PCDH15: variants seen among roughly 807,000 people sequenced by gnomAD.
The protein encoded by PCDH15 is protocadherin related 15.
A neutral mutation model predicts 178.5 loss-of-function variants in PCDH15; 129 were observed. That is an observed-to-expected ratio of 0.72 (90% CI 0.63 to 0.84). The LOEUF (loss-of-function observed/expected upper bound fraction) is 0.84. Ranked by LOEUF, PCDH15 falls within the 40% of genes least tolerant of loss-of-function variation. PCDH15 has a pLI of 0.00. For missense variants in PCDH15, 2,230 were observed against 2,099.9 expected, an observed-to-expected ratio of 1.06 and a Z score of -1.21; for synonymous variants, 800 against 732.0, an observed-to-expected ratio of 1.09 and a Z score of -1.50.
intron 3 of PCDH15, among the ~76,000 whole-genome samples, chr10:54,496,040 A>T (rs948286939): frequency 1.3e-5 from 2 of 152,158 alleles, no homozygotes; most frequent in Non-Finnish European, 2.9e-5. Context: ...ATTGTTTCTC[A>T]CAGGGGAAAT....
At chr10:55,417,628 G>GA (rs1281846302) in intron 2 of PCDH15, among the ~76,000 whole-genome samples, 4 of 151,512 alleles carry the variant, frequency 2.6e-5, no homozygotes, top group African/African-American at 9.7e-5. Context: ...CATAAAGCTA[G>GA]GATTCTTTAG....
At position 55,131,811 on chromosome 10, in the gene PCDH15, G is replaced by T. The variant is rs182904065; in HGVS notation, c.-80+34765C>A. On this transcript the variant is annotated intron_variant, in intron 2 of 5. Coordinates refer to the PCDH15 transcript ENST00000458638. The stretch of plus-strand genomic sequence containing the variant: ...AAAGGGGAGAAAGTACATGCTGATT[G>T]GTCTATAGGCAGCCATGGTTGGGCC... Among the ~76,000 whole-genome samples the T allele has an allele frequency of 1.8e-4, 28 of 152,186 alleles. No homozygotes were observed. In the East Asian group the frequency reaches 4.5e-3, roughly 24 times the overall value.
At chr10:55,466,996 T>A (rs1839844373) in intron 2 of PCDH15, among the ~76,000 whole-genome samples, 1 of 152,226 alleles carries the variant, frequency 6.6e-6, no homozygotes, top group South Asian at 2.1e-4. Flanking sequence ...GGCTGCTCTA[T>A]CTACTGGCTC....
At position 54,637,055 on chromosome 10, in the gene PCDH15, A is replaced by G. The variant is rs11004421; in HGVS notation, c.91+27117T>C. On this transcript the variant is annotated intron_variant, in intron 2 of 37. Transcript: ENST00000644397. The stretch of plus-strand genomic sequence containing the variant: ...TTCCTTTTTTGAGCTAAAATTTTCT[A>G]CTCTGTATCACTATATCTATTCCTC... Among the ~76,000 whole-genome samples, 142 of 150,046 alleles carry G rather than the reference A, an allele frequency of 9.5e-4. 1 individual carries two copies. In the East Asian group the frequency reaches 0.026, roughly 27 times the overall value.
At chr10:54,493,284 G>A (rs750820500) in intron 3 of PCDH15, among the ~76,000 whole-genome samples, 14 of 151,558 alleles carry the variant, frequency 9.2e-5, no homozygotes, top group Non-Finnish European at 8.8e-5. Flanking sequence ...GATAAGAGGG[G>A]ACTAATGTAT....
intron 1 of PCDH15, among the ~76,000 whole-genome samples, chr10:55,250,360 T>G (rs940064284): frequency 6.6e-6 from 1 of 151,714 alleles, no homozygotes; most frequent in Admixed American, 6.6e-5. Flanking sequence ...TTGCCCTGGC[T>G]GGTCCCAAAC....
intron 8 of PCDH15, among the ~76,000 whole-genome samples, chr10:54,302,326 T>C (rs1010057654): frequency 6.6e-5 from 10 of 152,186 alleles, no homozygotes; most frequent in Non-Finnish European, 1.3e-4. Flanking sequence ...GTAAAACTTG[T>C]GTGAGACACA....
intron 2 of PCDH15, among the ~76,000 whole-genome samples, chr10:55,472,631 C>T (rs553186369): frequency 6.8e-4 from 104 of 152,264 alleles, no homozygotes; most frequent in Non-Finnish European, 1.3e-3. Context: ...TGCAGTGGCG[C>T]GGTCTGCGCT....
intron 2 of PCDH15, among the ~76,000 whole-genome samples, chr10:55,365,560 C>T (rs1356359193): frequency 1.3e-5 from 2 of 152,060 alleles, no homozygotes; most frequent in African/African-American, 2.4e-5. Flanking sequence ...TCCCACAATT[C>T]CTACATGTCA....
intron 13 of PCDH15, among the ~76,000 whole-genome samples, chr10:54,174,359 C>T (rs2047207378): frequency 1.3e-5 from 2 of 151,324 alleles, no homozygotes; most frequent in Admixed American, 6.6e-5. Flanking sequence ...GGTGAAACCC[C>T]GTCTCTAATA....
intron 2 of PCDH15, among the ~76,000 whole-genome samples, chr10:54,551,965 T>C (rs1004614866): frequency 2.0e-5 from 3 of 152,092 alleles, no homozygotes; most frequent in Non-Finnish European, 4.4e-5. Flanking sequence ...AGCATGCTAA[T>C]ATAATTTGAA....
intron 2 of PCDH15, among the ~76,000 whole-genome samples, chr10:54,905,667 A>G (rs1038897558): frequency 6.6e-6 from 1 of 152,130 alleles, no homozygotes; most frequent in African/African-American, 2.4e-5. Flanking sequence ...GAAAGAGAAT[A>G]TTGCTATAAT....
intron 26 of PCDH15, among the ~76,000 whole-genome samples, chr10:53,894,991 T>G (rs2081854165): frequency 6.6e-6 from 1 of 152,188 alleles, no homozygotes; most frequent in Non-Finnish European, 1.5e-5. Context: ...CCCAATTAGC[T>G]GCACATGTTG....
chr10:55,071,753 G>C (rs529982946), intron 2 of PCDH15, among the ~76,000 whole-genome samples: 43 of 152,076 alleles, frequency 2.8e-4, no homozygotes, highest in African/African-American at 1.0e-3. Context: ...TGACCTAATA[G>C]ACATCTACAG....
intron 21 of PCDH15, among the ~76,000 whole-genome samples, chr10:53,973,930 G>T (rs189116224): frequency 6.6e-6 from 1 of 152,202 alleles, no homozygotes; most frequent in African/African-American, 2.4e-5. Context: ...ATTACAGGAA[G>T]GTTACTAAAT....
rs12764713 is a variant in PCDH15, at chr10:54,152,921, C to T, written c.1784+179G>A. ...TGAAATATGCCTCTGATATTGTCCTCTTCCCAAAATTTAACCAAATCAGAA... is the reference window on the plus strand; with the variant it reads ...TGAAATATGCCTCTGATATTGTCCTTTTCCCAAAATTTAACCAAATCAGAA... On this transcript the variant is annotated intron_variant, in intron 14 of 37. Coordinates refer to ENST00000644397, the MANE Select transcript of PCDH15 (RefSeq NM_001384140.1). Among the ~76,000 whole-genome samples the T allele has an allele frequency of 0.64, 96,829 of 151,872 alleles. 32,337 individuals are homozygous for T. The highest frequency in any genetic ancestry group is 0.89 in the East Asian group (4,616 of 5,162).
intron 2 of PCDH15, among the ~76,000 whole-genome samples, chr10:55,574,376 A>G (rs747693177): frequency 6.6e-6 from 1 of 152,012 alleles, no homozygotes; most frequent in Non-Finnish European, 1.5e-5. Flanking sequence ...AGAGACCAGG[A>G]CATAGATCTT....
rs368834452 is a variant in PCDH15 at position 54,690,108 on chromosome 10, G to GA, written c.-28-25819dup. On this transcript the variant is annotated intron_variant, in intron 1 of 37. Transcript: ENST00000644397. The stretch of plus-strand genomic sequence containing the variant: ...GATCCCTTAAGATTGGAATGGAGCT[G>GA]AAAAATGTCTATCTTCTGTTGACAC... 4.0e-3 allele frequency among the ~76,000 whole-genome samples: 612 copies of GA among 152,224 alleles called. 4 individuals carry two copies. The highest frequency in any genetic ancestry group is 0.014 in the African/African-American group (571 of 41,552).
intron 1 of PCDH15, among the ~76,000 whole-genome samples, chr10:54,790,735 T>A (rs1951330604): frequency 6.6e-6 from 1 of 151,846 alleles, no homozygotes; most frequent in African/African-American, 2.4e-5. Flanking sequence ...TACATACTCA[T>A]CTAATAATTT....
Sources: gnomAD v4.1 joint callset for allele counts (sites outside exome capture counted in the v4.1 genomes callset) on GRCh38, gnomAD v4.1.1 for gene constraint, MANE v1.5 for transcripts, NCBI Gene and HGNC (gene_info 2026-07-23, HGNC 2026-07-21) for gene names.